CDKAL1: variants seen among roughly 807,000 people sequenced by gnomAD.
CDKAL1 encodes the protein CDKAL1 threonylcarbamoyladenosine tRNA methylthiotransferase, also known as threonylcarbamoyladenosine tRNA methylthiotransferase.
Under a neutral mutation model 68.2 loss-of-function variants are expected in CDKAL1, and 32 were observed. The observed-to-expected ratio is 0.47, with a 90% CI of 0.35 to 0.63. CDKAL1 has a LOEUF of 0.63. Among genes scored for constraint, CDKAL1 ranks in the 30% least tolerant of loss-of-function variants. The pLI, the probability that CDKAL1 is intolerant of heterozygous loss-of-function variation, is 0.00. For missense variants in CDKAL1, 606 were observed against 696.7 expected (o/e 0.87, Z 1.47); for synonymous variants, 234 against 244.3 (o/e 0.96, Z 0.39).
At position 20,941,066 on chromosome 6, in the gene CDKAL1, G is replaced by T. The variant is rs982751204; in HGVS notation, c.743-14353G>T. 4.7e-5 allele frequency among the ~76,000 whole-genome samples: 7 copies of T among 149,580 alleles called. No homozygotes were observed. The East Asian group carries it at 7.8e-4, about 17-fold the overall frequency. On this transcript the variant is annotated intron_variant, in intron 9 of 15. Coordinates refer to ENST00000274695, the MANE Select transcript of CDKAL1 (RefSeq NM_017774.3). ...TGCGCCACTGCACTCTAGCCTGGGC[G>T]ACAGACGGAGCAAGACTCCATCTCA...
At chr6:20,756,253 A>G (rs1774165563) in intron 6 of CDKAL1, 3 of 152,174 alleles carry the variant, frequency 2.0e-5, no homozygotes, top group South Asian at 2.1e-4. Flanking sequence ...CCAAAATGTA[A>G]TATATTCAAT....
At chr6:20,846,359 G>T (rs6941809) in intron 9 of CDKAL1, among the ~76,000 whole-genome samples, 181 bp downstream of exon 9, 16,206 of 152,104 alleles carry the variant, frequency 0.11, 2,589 homozygotes, top group African/African-American at 0.35. Flanking sequence ...TTACATTAAT[G>T]ACTCTTCTTT....
intron 8 of CDKAL1, among the ~76,000 whole-genome samples, chr6:20,815,851 G>A (rs1777021014): frequency 6.6e-6 from 1 of 152,080 alleles, no homozygotes; most frequent in South Asian, 2.1e-4. Context: ...GCACATTCTT[G>A]TATTGATTTC....
At chr6:20,806,422 A>G (rs1490606027) in intron 8 of CDKAL1, among the ~76,000 whole-genome samples, 1 of 152,148 alleles carries the variant, frequency 6.6e-6, no homozygotes, top group Non-Finnish European at 1.5e-5. Context: ...TCCATTGTAA[A>G]TAGTGCTGCG....
chr6:20,695,142 A>G (rs767282452), intron 5 of CDKAL1, among the ~76,000 whole-genome samples: 1 of 152,218 alleles, frequency 6.6e-6, no homozygotes, highest in Non-Finnish European at 1.5e-5. Context: ...AGCAATTCTG[A>G]AAGATGTAGA....
Position 21,094,009 on chromosome 6 carries a change from G to A in CDKAL1, c.1237-14392G>A, listed in dbSNP as rs527541947. The stretch of plus-strand genomic sequence containing the variant: ...GGCCTACCAAAGTGCTGGGACTACA[G>A]GCATAAGTCACTGCACTTGTCCATC... On this transcript the variant is annotated intron_variant, in intron 12 of 15. Transcript: ENST00000274695. Among the ~76,000 whole-genome samples the A allele has an allele frequency of 1.1e-4, 17 of 151,100 alleles. No homozygotes were observed. In the East Asian group the frequency reaches 3.3e-3, roughly 30 times the overall value.
At chr6:20,795,333 G>C (rs1225136655) in intron 8 of CDKAL1, among the ~76,000 whole-genome samples, 3 of 152,016 alleles carry the variant, frequency 2.0e-5, no homozygotes, top group Admixed American at 2.0e-4. Context: ...GCCTTTCTCA[G>C]TTCATGTTTT....
chr6:20,985,177 A>C (rs551297360), intron 10 of CDKAL1, among the ~76,000 whole-genome samples: 1 of 152,286 alleles, frequency 6.6e-6, no homozygotes, highest in Admixed American at 6.5e-5. Context: ...CATAATGATC[A>C]AACAGGGTAT....
At chr6:20,638,355 C>G (rs1346864086) in intron 4 of CDKAL1, among the ~76,000 whole-genome samples, 1 of 151,998 alleles carries the variant, frequency 6.6e-6, no homozygotes, top group Non-Finnish European at 1.5e-5. Flanking sequence ...TTCATGAACT[C>G]TCAGTTCATA....
At chr6:20,724,736 C>T (rs909474490) in intron 5 of CDKAL1, among the ~76,000 whole-genome samples, 3 of 152,158 alleles carry the variant, frequency 2.0e-5, no homozygotes, top group African/African-American at 7.2e-5. Flanking sequence ...GCTGTGTCTT[C>T]CACCTGAAAT....
At chr6:21,136,098 CAT>C (rs1179831605) in intron 13 of CDKAL1, among the ~76,000 whole-genome samples, 1 of 152,156 alleles carries the variant, frequency 6.6e-6, no homozygotes, top group Non-Finnish European at 1.5e-5. Flanking sequence ...GACAACCAGA[CAT>C]GTGTATGGTT....
At chr6:20,896,103 C>CTTTTTTTTT (rs777787310) in intron 9 of CDKAL1, among the ~76,000 whole-genome samples, 22 of 90,124 alleles carry the variant, frequency 2.4e-4, no homozygotes, top group Non-Finnish European at 3.4e-4. Context: ...CTTTTCTTTT[C>CTTTTTTTTT]TTTTTTTTTT....
chr6:21,131,103 G>T (rs577394679), intron 13 of CDKAL1, among the ~76,000 whole-genome samples: 4 of 152,158 alleles, frequency 2.6e-5, no homozygotes, highest in African/African-American at 9.7e-5. Context: ...GCAATATTAC[G>T]TATATGTCTG....
At chr6:21,202,144 G>C (rs1778717034) in intron 15 of CDKAL1, among the ~76,000 whole-genome samples, 1 of 152,074 alleles carries the variant, frequency 6.6e-6, no homozygotes, top group Non-Finnish European at 1.5e-5. Flanking sequence ...CTTCACTCTG[G>C]CAATAGCAAC....
intron 13 of CDKAL1, among the ~76,000 whole-genome samples, chr6:21,177,889 G>T (rs866994311): frequency 1.3e-5 from 2 of 152,106 alleles, no homozygotes; most frequent in South Asian, 2.1e-4. Flanking sequence ...CAAACAAAAT[G>T]AGAAGTAAAA....
chr6:20,980,833 G>A (rs775216556), intron 10 of CDKAL1, among the ~76,000 whole-genome samples: 8 of 152,134 alleles, frequency 5.3e-5, no homozygotes, highest in Non-Finnish European at 1.2e-4. Context: ...AAAAGAAGTT[G>A]AAGACCTGGA....
Position 20,935,845 on chromosome 6 carries a change from C to T in CDKAL1, c.743-19574C>T, listed in dbSNP as rs889919416. Among the ~76,000 whole-genome samples the T allele has an allele frequency of 4.6e-5, 7 of 152,206 alleles. No individual in the cohort carries two copies. The South Asian group carries it at 8.3e-4, about 18-fold the overall frequency. On this transcript the variant is annotated intron_variant, in intron 9 of 15. Coordinates refer to ENST00000274695, the MANE Select transcript of CDKAL1 (RefSeq NM_017774.3). ...TTGGCCTCCCGAAGAGCTAGGATTA[C>T]AGGCATATGGATTCCTCTTCTGCTC...
intron 5 of CDKAL1, among the ~76,000 whole-genome samples, chr6:20,708,624 T>C (rs1401566008): frequency 6.6e-6 from 1 of 152,234 alleles, no homozygotes; most frequent in Non-Finnish European, 1.5e-5. Flanking sequence ...ACCTTGTTAA[T>C]TGGTTTAACA....
intron 4 of CDKAL1, among the ~76,000 whole-genome samples, chr6:20,552,055 G>C (rs1763856776): frequency 6.6e-6 from 1 of 150,868 alleles, no homozygotes; most frequent in Admixed American, 6.6e-5. Flanking sequence ...AAAAAAAAAG[G>C]CTGGGTGTGT....
Sources: gnomAD v4.1 joint callset for allele counts (sites outside exome capture counted in the v4.1 genomes callset) on GRCh38, gnomAD v4.1.1 for gene constraint, MANE v1.5 for transcripts, NCBI Gene and HGNC (gene_info 2026-07-23, HGNC 2026-07-21) for gene names.